FREM1: variants seen among roughly 807,000 people sequenced by gnomAD.
FREM1 encodes FRAS1-related extracellular matrix protein 1.
A neutral mutation model predicts 210.1 loss-of-function variants in FREM1; 220 were observed. That is an observed-to-expected ratio of 1.05 (90% CI 0.94 to 1.17). FREM1 has a LOEUF of 1.17. Among genes scored for constraint, FREM1 ranks in the 50% most tolerant of loss-of-function variants. The probability of loss-of-function intolerance (pLI) is 0.00; values close to 1 mark genes in which losing one functional copy is unlikely to be tolerated. For synonymous variants in FREM1, 1,189 were observed against 980.2 expected, an observed-to-expected ratio of 1.21 and a Z score of -3.98; for missense variants, 3,454 against 2,675.5, an observed-to-expected ratio of 1.29 and a Z score of -6.42.
In FREM1 at chr9:14,748,558, C is replaced by A; in HGVS notation, c.5639G>T (p.Gly1880Val). 5 of 1,613,798 alleles carry A rather than the reference C, an allele frequency of 3.1e-6. No homozygotes were observed. Among genetic ancestry groups the A allele is most frequent in the Non-Finnish European group, 4.2e-6 (5 of 1,179,804 alleles). ...EKGIWHLLPP[G>V]SSSSTTSGSF... Reference sequence around the variant, plus strand: ...ACCAGAAGTGGTGGATGAGGAAGACCCTGGGGGCAGCAGATGCCAAATGCC... The same window carrying A: ...ACCAGAAGTGGTGGATGAGGAAGACACTGGGGGCAGCAGATGCCAAATGCC... The change falls in exon 31 of 37, where the codon GGG becomes GTG. Residue 1880 changes from glycine to valine, a missense_variant. Gly to Val is a moderately radical substitution (Grantham distance 109, BLOSUM62 -3). Coordinates refer to ENST00000380880, the MANE Select transcript of FREM1 (RefSeq NM_001379081.2).
chr9:14,776,208 TAA>T lies in FREM1; in HGVS notation c.4443-7_4443-6del. Reference sequence around the variant, plus strand: ...AGTCCATTGCTGATGATGAATCTGGTAAAGAGAGGCAAGGCAGCCTTCAGCAT... The same window carrying T: ...AGTCCATTGCTGATGATGAATCTGGTAGAGAGGCAAGGCAGCCTTCAGCAT... On this transcript the variant is annotated splice_region_variant and splice_polypyrimidine_tract_variant and intron_variant, in intron 24 of 36. Coordinates refer to ENST00000380880, the MANE Select transcript of FREM1 (RefSeq NM_001379081.2). The T allele has an allele frequency of 6.6e-7, 1 of 1,514,100 alleles. No homozygotes were observed. Among genetic ancestry groups the T allele is most frequent in the South Asian group, 1.4e-5 (1 of 73,478 alleles). 93.8% of individuals were successfully genotyped at this position (1,514,100 alleles called of 1,614,324 possible). A position where few individuals can be genotyped will look rare whatever the true frequency, so the allele number is the denominator to read the frequency against.
chr9:14,830,080 C>G (rs1001063997), intron 10 of FREM1, among the ~76,000 whole-genome samples: 1 of 152,086 alleles, frequency 6.6e-6, no homozygotes, highest in African/African-American at 2.4e-5. Context: ...GTGGGCAAAA[C>G]TAACAGTGTA....
At chr9:14,761,973 C>G (rs1373991440) in intron 27 of FREM1, among the ~76,000 whole-genome samples, 1 of 152,164 alleles carries the variant, frequency 6.6e-6, no homozygotes, top group Non-Finnish European at 1.5e-5. Context: ...AAACTTTATC[C>G]TAGCAACGTA....
At chr9:14,907,019 C>T (rs1433710277) in intron 1 of FREM1, among the ~76,000 whole-genome samples, 1 of 152,098 alleles carries the variant, frequency 6.6e-6, no homozygotes. Context: ...ACATTTTCCC[C>T]AAATATCATC....
chr9:14,828,643 C>T (rs2779506), intron 10 of FREM1, among the ~76,000 whole-genome samples: 5,416 of 53,892 alleles, frequency 0.1, 618 homozygotes, highest in Middle Eastern at 0.2. Flanking sequence ...TGTGGCGGGG[C>T]GGGGGAGGTG....
chr9:14,802,847 A>C (rs1166863566), intron 19 of FREM1, among the ~76,000 whole-genome samples: 1 of 152,204 alleles, frequency 6.6e-6, no homozygotes, highest in African/African-American at 2.4e-5. Context: ...AAGGAAGAAA[A>C]TGTCTAGTGC....
intron 1 of FREM1, among the ~76,000 whole-genome samples, chr9:14,889,492 T>C (rs752177502): frequency 2.0e-5 from 3 of 152,074 alleles, no homozygotes; most frequent in Non-Finnish European, 4.4e-5. Context: ...GGTCGTTAAA[T>C]GCCTACCAAG....
intron 1 of FREM1, among the ~76,000 whole-genome samples, chr9:14,877,157 T>C (rs1231347101): frequency 3.2e-4 from 49 of 152,146 alleles, no homozygotes; most frequent in Non-Finnish European, 2.8e-4. Flanking sequence ...CACTCATTCC[T>C]TAGTGATCTC....
intron 24 of FREM1, among the ~76,000 whole-genome samples, chr9:14,778,330 G>A (rs1848973724): frequency 7.2e-6 from 1 of 138,126 alleles, no homozygotes; most frequent in Admixed American, 7.6e-5. Flanking sequence ...AAATAAAAGA[G>A]GCTGGTGCAG....
intron 1 of FREM1, among the ~76,000 whole-genome samples, chr9:14,884,890 T>C (rs1048982732): frequency 7.0e-5 from 10 of 143,296 alleles, no homozygotes; most frequent in South Asian, 2.4e-4. Context: ...AGCATAGTTA[T>C]CAAGATATCA....
At chr9:14,878,624 G>A (rs1028388870) in intron 1 of FREM1, among the ~76,000 whole-genome samples, 1 of 151,960 alleles carries the variant, frequency 6.6e-6, no homozygotes, top group African/African-American at 2.4e-5. Context: ...ACTTTCAATG[G>A]CAAAAAACCA....
chr9:14,860,876 TATATATACACATATATAC>T lies in FREM1; in HGVS notation c.330-1410_330-1393del, dbSNP rs1830047098. Among the ~76,000 whole-genome samples, 4 of 47,466 alleles carry T rather than the reference TATATATACACATATATAC, an allele frequency of 8.4e-5. 1 individual carries two copies. The highest frequency in any genetic ancestry group is 1.4e-4 in the Non-Finnish European group (4 of 29,318). The allele number at this position is 47,466 out of a possible 152,430, so 31.1% of individuals were successfully genotyped here. A position where few individuals can be genotyped will look rare whatever the true frequency, so the allele number is the denominator to read the frequency against. ...ACGTATATATACACATATATATACG[TATATATACACATATATAC>T]ATATATACACATATACACATATACA... On this transcript the variant is annotated intron_variant, in intron 3 of 36. Coordinates refer to ENST00000380880, the MANE Select transcript of FREM1 (RefSeq NM_001379081.2).
chr9:14,738,555 G>C (rs1840830495), intron 36 of FREM1, among the ~76,000 whole-genome samples: 1 of 151,680 alleles, frequency 6.6e-6, no homozygotes, highest in African/African-American at 2.4e-5. Flanking sequence ...TTAATACTCA[G>C]TTCATTTCAG....
chr9:14,778,532 T>C (rs1236168284), intron 24 of FREM1, among the ~76,000 whole-genome samples: 7 of 136,434 alleles, frequency 5.1e-5, no homozygotes, highest in Non-Finnish European at 1.1e-4. Flanking sequence ...CACTTGATCC[T>C]GGGAGGTTGA....
intron 19 of FREM1, among the ~76,000 whole-genome samples, chr9:14,804,191 TA>T (rs1179489757): frequency 6.6e-6 from 1 of 151,624 alleles, no homozygotes; most frequent in East Asian, 1.9e-4. Flanking sequence ...TATGGTTATC[TA>T]AAAAAAAATT....
chr9:14,799,777 T>C (rs960306567), intron 20 of FREM1, among the ~76,000 whole-genome samples: 7 of 152,184 alleles, frequency 4.6e-5, no homozygotes, highest in Non-Finnish European at 8.8e-5. Flanking sequence ...CTGAGAAATA[T>C]ATAAATGCAT....
chr9:14,847,247 G>A (rs1826810434), intron 7 of FREM1, among the ~76,000 whole-genome samples: 1 of 151,960 alleles, frequency 6.6e-6, no homozygotes, highest in Admixed American at 6.6e-5. Flanking sequence ...TTATCTTATT[G>A]TAAAGCTGTG....
intron 14 of FREM1, among the ~76,000 whole-genome samples, chr9:14,817,788 T>C (rs933339948): frequency 2.6e-5 from 4 of 152,310 alleles, no homozygotes; most frequent in South Asian, 4.1e-4. Context: ...TCCCTTCCTA[T>C]GGTGGGGAAG....
At chr9:14,812,075 T>G (rs1020846112) in intron 16 of FREM1, among the ~76,000 whole-genome samples, 4 of 152,144 alleles carry the variant, frequency 2.6e-5, no homozygotes, top group African/African-American at 9.7e-5. Context: ...TCAGTCACAC[T>G]GTCATCTTTG....
Sources: allele counts gnomAD v4.1 joint callset (sites outside exome capture counted in the v4.1 genomes callset), GRCh38; gene constraint gnomAD v4.1.1; transcripts MANE v1.5; gene names NCBI Gene and HGNC (gene_info 2026-07-23, HGNC 2026-07-21).